The following CNTN3 variants were observed in gnomAD, a reference collection of about 807,000 sequenced individuals.
CNTN3 encodes the protein contactin 3.
Under a neutral mutation model 119.1 loss-of-function variants are expected in CNTN3, and 60 were observed. The observed-to-expected ratio is 0.50, with a 90% CI of 0.41 to 0.62. The LOEUF is 0.62. CNTN3 is among the 20% of genes least tolerant of loss of function. The pLI is 0.00. For synonymous variants in CNTN3, 450 were observed against 438.7 expected (o/e 1.03, Z -0.32); for missense variants, 1,101 against 1,242.4 (o/e 0.89, Z 1.71).
intron 5 of CNTN3, among the ~76,000 whole-genome samples, chr3:74,375,998 G>A (rs1415353113): frequency 6.6e-6 from 1 of 152,048 alleles, no homozygotes; most frequent in African/African-American, 2.4e-5. Context: ...GGGCAGGAGA[G>A]TCAAAGAAGG....
chr3:74,556,272 A>G (rs1704068318), intron 1 of CNTN3, among the ~76,000 whole-genome samples: 2 of 152,064 alleles, frequency 1.3e-5, no homozygotes, highest in Admixed American at 6.6e-5. Context: ...ATCACTCCAC[A>G]AGGAAACCTT....
intron 11 of CNTN3, among the ~76,000 whole-genome samples, chr3:74,355,471 T>G (rs902183681): frequency 2.0e-5 from 3 of 151,886 alleles, no homozygotes; most frequent in Non-Finnish European, 4.4e-5. Context: ...TTGTTTTGTT[T>G]TGAGACAGGT....
chr3:74,599,069 C>G (rs1049348974), intron 1 of CNTN3, among the ~76,000 whole-genome samples: 1 of 152,042 alleles, frequency 6.6e-6, no homozygotes, highest in Non-Finnish European at 1.5e-5. Context: ...ACACTTAACA[C>G]ATAATTAATC....
At chr3:74,475,179 C>T (rs1487697481) in intron 4 of CNTN3, among the ~76,000 whole-genome samples, 1 of 152,170 alleles carries the variant, frequency 6.6e-6, no homozygotes, top group Non-Finnish European at 1.5e-5. Flanking sequence ...CTGCTTCACT[C>T]ACTAACATTA....
In CNTN3 at chr3:74,264,382, T is replaced by C; in HGVS notation, c.*19A>G. ...GGTAACCAAATAACTTTCCAATAAA[T>C]AATAAAAAGGAGTTAATATCACCAC... On this transcript the variant is annotated 3_prime_UTR_variant, in exon 23 of 23. Coordinates refer to ENST00000263665, the MANE Select transcript of CNTN3 (RefSeq NM_020872.3). 7.4e-7 allele frequency: 1 copy of C among 1,343,854 alleles called. No homozygotes were observed. The highest frequency in any genetic ancestry group is 1.9e-4 in the Middle Eastern group (1 of 5,248). 83.2% of individuals were successfully genotyped at this position (1,343,854 alleles called of 1,614,324 possible).
At chr3:74,364,234 T>C (rs17012434) in intron 10 of CNTN3, among the ~76,000 whole-genome samples, 2,156 of 152,244 alleles carry the variant, frequency 0.014, 44 homozygotes, top group African/African-American at 0.048. Flanking sequence ...CAATATTTGA[T>C]TCCTACTGTC....
chr3:74,270,067 G>C (rs1227564831), intron 20 of CNTN3, among the ~76,000 whole-genome samples: 2 of 152,188 alleles, frequency 1.3e-5, no homozygotes, highest in African/African-American at 2.4e-5. Context: ...CATGACTAGT[G>C]AGAAGTATTA....
At position 74,264,519 on chromosome 3, in the gene CNTN3, G is replaced by A. The variant is rs769251394; in HGVS notation, c.2987-18C>T. ...ATCCATACCTGTCAAAGTTGATGAAGAGCTCATTAATAAGGATTGTACCAA... is the reference window on the plus strand; with the variant it reads ...ATCCATACCTGTCAAAGTTGATGAAAAGCTCATTAATAAGGATTGTACCAA... On this transcript the variant is annotated intron_variant, in intron 22 of 22. Transcript: ENST00000263665. 1.5e-5 allele frequency: 22 copies of A among 1,511,992 alleles called. No homozygotes were observed. The highest frequency in any genetic ancestry group is 3.4e-4 in the Middle Eastern group (2 of 5,876). 93.7% of individuals were successfully genotyped at this position (1,511,992 alleles called of 1,614,324 possible).
chr3:74,364,398 A>C, intron 10 of CNTN3, 69 bp downstream of exon 10: 1 of 1,452,782 alleles, frequency 6.9e-7, no homozygotes, highest in Non-Finnish European at 9.5e-7. Flanking sequence ...AGTAAATATT[A>C]CTGCTTCTGG....
At chr3:74,537,387 A>G (rs1329032613) in intron 1 of CNTN3, among the ~76,000 whole-genome samples, 2 of 152,166 alleles carry the variant, frequency 1.3e-5, no homozygotes, top group South Asian at 4.1e-4. Flanking sequence ...CCCCTGGTCC[A>G]CTGAATCATA....
chr3:74,579,635 G>C lies in CNTN3; in HGVS notation c.-81+34756C>G, dbSNP rs1183245757. ...AGGGTAAACTGATCCACAGATATTA[G>C]AGAACTAAACAACATACTTCTAAAT... On this transcript the variant is annotated intron_variant, in intron 1 of 22. Coordinates refer to ENST00000263665, the MANE Select transcript of CNTN3 (RefSeq NM_020872.3). Among the ~76,000 whole-genome samples the C allele has an allele frequency of 2.0e-5, 3 of 152,014 alleles. No individual in the cohort carries two copies. The East Asian group carries it at 5.8e-4, about 29-fold the overall frequency.
intron 5 of CNTN3, among the ~76,000 whole-genome samples, chr3:74,418,582 C>T (rs1189797836): frequency 6.6e-6 from 1 of 151,744 alleles, no homozygotes; most frequent in Non-Finnish European, 1.5e-5. Flanking sequence ...CTCAGGCAAC[C>T]CGCCCACCTT....
chr3:74,417,629 C>T (rs1701546431), intron 5 of CNTN3, among the ~76,000 whole-genome samples: 1 of 152,172 alleles, frequency 6.6e-6, no homozygotes, highest in Non-Finnish European at 1.5e-5. Flanking sequence ...ACAGCTTCCA[C>T]ATTCAGGCAC....
chr3:74,299,957 C>A lies in CNTN3; in HGVS notation c.2096-19G>T. ...TCTGGAACTATACAGGTCAGAGAAA[C>A]AGAGATGAAATGGTACTTGCATTTA... On this transcript the variant is annotated intron_variant, in intron 16 of 22. Coordinates refer to ENST00000263665, the MANE Select transcript of CNTN3 (RefSeq NM_020872.3). 2 of 1,516,422 alleles carry A rather than the reference C, an allele frequency of 1.3e-6. No homozygotes were observed. The allele number at this position is 1,516,422 out of a possible 1,614,324, so 93.9% of individuals were successfully genotyped here.
At chr3:74,404,611 G>A (rs1319110538) in intron 5 of CNTN3, among the ~76,000 whole-genome samples, 1 of 151,872 alleles carries the variant, frequency 6.6e-6, no homozygotes, top group Non-Finnish European at 1.5e-5. Flanking sequence ...AAAAAAATTA[G>A]AGTTATCAGG....
chr3:74,602,424 G>A (rs1044822986), intron 1 of CNTN3, among the ~76,000 whole-genome samples: 35 of 151,912 alleles, frequency 2.3e-4, no homozygotes, highest in Non-Finnish European at 4.0e-4. Context: ...TTGGGGAGGG[G>A]GGCTTTTTTC....
chr3:74,336,153 T>G (rs1229780083), intron 12 of CNTN3, among the ~76,000 whole-genome samples: 2 of 152,104 alleles, frequency 1.3e-5, no homozygotes, highest in African/African-American at 4.8e-5. Flanking sequence ...CAATTCTTAT[T>G]TATATCCTGT....
chr3:74,536,916 G>A (rs545155022), intron 1 of CNTN3, among the ~76,000 whole-genome samples: 1 of 152,038 alleles, frequency 6.6e-6, no homozygotes, highest in South Asian at 2.1e-4. Flanking sequence ...TGAGCTGCCA[G>A]GTGCCTACCC....
intron 13 of CNTN3, among the ~76,000 whole-genome samples, chr3:74,304,661 C>T (rs1464203437): frequency 6.6e-6 from 1 of 152,152 alleles, no homozygotes; most frequent in Admixed American, 6.5e-5. Flanking sequence ...GGACTTTTGA[C>T]TTCTGTTCAC....
Sources: allele counts gnomAD v4.1 joint callset (sites outside exome capture counted in the v4.1 genomes callset), GRCh38; gene constraint gnomAD v4.1.1; transcripts MANE v1.5; gene names NCBI Gene and HGNC (gene_info 2026-07-23, HGNC 2026-07-21).